The following RBFOX1 variants were observed in gnomAD, a reference collection of about 807,000 sequenced individuals.
RBFOX1 encodes the protein RNA binding fox-1 homolog 1.
Under a neutral mutation model 57.7 loss-of-function variants are expected in RBFOX1, and 8 were observed. The observed-to-expected ratio is 0.14, with a 90% CI of 0.08 to 0.25. RBFOX1 has a LOEUF of 0.25. Among genes scored for constraint, RBFOX1 ranks in the 10% least tolerant of loss-of-function variants. RBFOX1 has a pLI of 1.00. For missense variants in RBFOX1, 611 were observed against 548.5 expected (o/e 1.11, Z -1.14); for synonymous variants, 326 against 222.4 (o/e 1.47, Z -4.15).
At chr16:5,834,068 T>A (rs1198155557) in intron 3 of RBFOX1, among the ~76,000 whole-genome samples, 3 of 152,210 alleles carry the variant, frequency 2.0e-5, no homozygotes, top group Non-Finnish European at 4.4e-5. Flanking sequence ...CTGCTCACTT[T>A]TAGGTAGGCT....
At chr16:5,911,041 A>G (rs886514300) in intron 4 of RBFOX1, among the ~76,000 whole-genome samples, 3 of 152,106 alleles carry the variant, frequency 2.0e-5, no homozygotes, top group African/African-American at 7.2e-5. Context: ...TCATACCCCA[A>G]ATAAACTACT....
intron 1 of RBFOX1, among the ~76,000 whole-genome samples, chr16:6,247,896 C>T (rs755416912): frequency 6.6e-6 from 1 of 152,180 alleles, no homozygotes; most frequent in African/African-American, 2.4e-5. Context: ...GCTCCAGTCA[C>T]TCTCCAAGAT....
chr16:6,335,633 C>T (rs1407201361), intron 2 of RBFOX1, among the ~76,000 whole-genome samples: 2 of 151,576 alleles, frequency 1.3e-5, no homozygotes, highest in African/African-American at 4.9e-5. Flanking sequence ...CAAAAATTAG[C>T]TGGGTGTGTT....
chr16:6,675,647 G>A (rs1035004305), intron 3 of RBFOX1, among the ~76,000 whole-genome samples: 3 of 152,176 alleles, frequency 2.0e-5, no homozygotes, highest in Admixed American at 2.0e-4. Flanking sequence ...TGTGACTGGG[G>A]ATGCCTCACA....
At chr16:7,351,410 G>T (rs568911827) in intron 4 of RBFOX1, among the ~76,000 whole-genome samples, 2 of 152,232 alleles carry the variant, frequency 1.3e-5, no homozygotes, top group Non-Finnish European at 2.9e-5. Context: ...CATTAGGAAC[G>T]CAATGAAGTC....
chr16:5,998,813 T>A (rs1451208801), intron 4 of RBFOX1, among the ~76,000 whole-genome samples: 1 of 152,214 alleles, frequency 6.6e-6, no homozygotes, highest in Non-Finnish European at 1.5e-5. Context: ...CATCAGATGT[T>A]ACTACGTATA....
At chr16:6,997,885 G>C (rs1183798623) in intron 3 of RBFOX1, among the ~76,000 whole-genome samples, 2 of 152,060 alleles carry the variant, frequency 1.3e-5, no homozygotes. Context: ...ATTGTCTGAA[G>C]GTTGTGCACT....
At chr16:7,329,872 A>G (rs1355865864) in intron 4 of RBFOX1, among the ~76,000 whole-genome samples, 2 of 152,196 alleles carry the variant, frequency 1.3e-5, no homozygotes. Flanking sequence ...TATGTAATAT[A>G]TCTCTTATTT....
At chr16:6,792,594 C>G (rs8044854) in intron 3 of RBFOX1, among the ~76,000 whole-genome samples, 4 of 152,144 alleles carry the variant, frequency 2.6e-5, no homozygotes, top group African/African-American at 9.7e-5. Flanking sequence ...CCTCCTACTA[C>G]GAAGTCAGGG....
At chr16:6,474,287 G>A (rs185234295) in intron 2 of RBFOX1, among the ~76,000 whole-genome samples, 52 of 152,224 alleles carry the variant, frequency 3.4e-4, no homozygotes, top group Non-Finnish European at 4.4e-4. Context: ...ATCCCAGAGC[G>A]GACGTGACAT....
intron 3 of RBFOX1, among the ~76,000 whole-genome samples, chr16:5,651,311 C>T (rs2049232760): frequency 1.3e-5 from 2 of 152,068 alleles, no homozygotes; most frequent in Admixed American, 1.3e-4. Flanking sequence ...CCTTGGCCTC[C>T]CAGAGTGCTG....
chr16:6,519,268 G>T (rs1034321822), intron 2 of RBFOX1, among the ~76,000 whole-genome samples: 1 of 151,974 alleles, frequency 6.6e-6, no homozygotes, highest in Non-Finnish European at 1.5e-5. Flanking sequence ...CACCAGAAAG[G>T]GTCAAATGAA....
At chr16:6,546,199 C>G (rs1050226013) in intron 2 of RBFOX1, among the ~76,000 whole-genome samples, 2 of 152,150 alleles carry the variant, frequency 1.3e-5, no homozygotes, top group African/African-American at 4.8e-5. Flanking sequence ...TATTGTTTGT[C>G]TAGGTAGGGT....
chr16:5,575,057 G>A (rs374986936), intron 2 of RBFOX1, among the ~76,000 whole-genome samples: 51 of 152,258 alleles, frequency 3.3e-4, no homozygotes, highest in African/African-American at 1.2e-3. Flanking sequence ...CATTCACCTT[G>A]TGATATAACA....
intron 2 of RBFOX1, among the ~76,000 whole-genome samples, chr16:6,348,867 C>G (rs1287509253): frequency 6.6e-6 from 1 of 152,112 alleles, no homozygotes; most frequent in East Asian, 1.9e-4. Flanking sequence ...AGACACAGAT[C>G]CAAACCATAT....
chr16:6,288,365 G>A (rs535197975), intron 1 of RBFOX1, among the ~76,000 whole-genome samples: 1 of 152,264 alleles, frequency 6.6e-6, no homozygotes, highest in South Asian at 2.1e-4. Flanking sequence ...AGATTTGGAA[G>A]TTCTGGGTTA....
At chr16:7,431,383 T>C (rs909231573) in intron 4 of RBFOX1, 1 of 149,004 alleles carries the variant, frequency 6.7e-6, no homozygotes, top group African/African-American at 2.6e-5. Flanking sequence ...TGCACCAACA[T>C]GCGCAGTTAA....
chr16:7,037,858 G>C (rs1170706176), intron 3 of RBFOX1, among the ~76,000 whole-genome samples: 1 of 152,154 alleles, frequency 6.6e-6, no homozygotes, highest in Non-Finnish European at 1.5e-5. Context: ...TGATCAAGAT[G>C]ACTGCCCAGA....
chr16:6,656,896 C>CCTCT (rs2098658268), intron 3 of RBFOX1, among the ~76,000 whole-genome samples: 1 of 115,876 alleles, frequency 8.6e-6, no homozygotes, highest in African/African-American at 3.7e-5. Context: ...TCCTCTCCTC[C>CCTCT]CCTCAACTCT....
Sources: gnomAD v4.1 joint callset for allele counts (sites outside exome capture counted in the v4.1 genomes callset) on GRCh38, gnomAD v4.1.1 for gene constraint, MANE v1.5 for transcripts, NCBI Gene and HGNC (gene_info 2026-07-23, HGNC 2026-07-21) for gene names.